The following LPCAT4 variants were observed in gnomAD, a reference collection of about 807,000 sequenced individuals.
LPCAT4 encodes the protein lysophospholipid acyltransferase LPCAT4.
In LPCAT4, 30 loss-of-function variants were observed where a neutral mutation model predicts 66.5. The observed-to-expected ratio is 0.45, with a 90% CI of 0.34 to 0.61. The LOEUF (loss-of-function observed/expected upper bound fraction) is 0.61. LPCAT4 is among the 20% of genes least tolerant of loss of function. LPCAT4 has a pLI of 0.01. For missense variants in LPCAT4, 557 were observed against 656.7 expected (o/e 0.85, Z 1.66); for synonymous variants, 253 against 262.1 (o/e 0.97, Z 0.34).
Position 34,359,568 on chromosome 15 carries a change from G to T in LPCAT4, c.1399+21C>A. The stretch of plus-strand genomic sequence containing the variant: ...ATGGTGCCCCAAGTGCCCGTGTGGG[G>T]CTGAGAAGGCAGTGACTCACAGAGG... On this transcript the variant is annotated intron_variant, in intron 13 of 13. Coordinates refer to ENST00000314891, the MANE Select transcript of LPCAT4 (RefSeq NM_153613.3). 2.5e-6 allele frequency: 4 copies of T among 1,608,044 alleles called. No individual in the cohort carries two copies. In the South Asian group the frequency reaches 4.4e-5, roughly 18 times the overall value.
At chr15:34,359,340 A>G (rs1392528811) in intron 13 of LPCAT4, 38 bp from the exon 14 acceptor site, 5 of 1,458,486 alleles carry the variant, frequency 3.4e-6, no homozygotes, top group Admixed American at 5.4e-5. Flanking sequence ...GAAAAGATCT[A>G]AGAACGAGAA....
chr15:34,359,232 T>G lies in LPCAT4; in HGVS notation c.1470A>C (p.Pro490=), dbSNP rs763521011. Reference sequence around the variant, plus strand: ...TCTGGGAGGTGCCTCGAGAGGTGTGTGGGGGGCGCAGGTAGGTGCTGAAGA... The same window carrying G: ...TCTGGGAGGTGCCTCGAGAGGTGTGGGGGGGGCGCAGGTAGGTGCTGAAGA... ...GKLFSTYLRP[P]HTSRGTSQTP... Residue 490 remains proline (P), a synonymous_variant, in exon 14 of 14, where the codon CCA becomes CCC. Coordinates refer to ENST00000314891, the MANE Select transcript of LPCAT4 (RefSeq NM_153613.3). 1.6e-5 allele frequency: 25 copies of G among 1,579,536 alleles called. No individual in the cohort carries two copies. The Admixed American group carries it at 1.7e-4, about 10-fold the overall frequency.
chr15:34,364,833 T>C (rs1175677817), intron 3 of LPCAT4, 175 bp downstream of exon 3: 2 of 609,272 alleles, frequency 3.3e-6, no homozygotes, highest in Admixed American at 3.0e-5. Context: ...CAACACCTTC[T>C]CTCTGTCCCA....
chr15:34,366,844 C>T (rs1194509459), intron 1 of LPCAT4, 143 bp downstream of exon 1: 3 of 1,307,396 alleles, frequency 2.3e-6, no homozygotes, highest in Non-Finnish European at 3.2e-6. Flanking sequence ...GCCGCCCCCA[C>T]GTGCGCACCC....
At position 34,359,177 on chromosome 15, in the gene LPCAT4, T is replaced by C. The variant is rs140766184; in HGVS notation, c.1525A>G (p.Thr509Ala). Residue 509 changes from threonine to alanine, a missense_variant, in exon 14 of 14, where the codon ACT becomes GCT. Thr to Ala is a moderately conservative substitution (Grantham distance 58). This residue lies in a region of LPCAT4 where 392 missense variants were observed against 473.9 expected (regional missense o/e 0.83). Transcript: ENST00000314891. ...TGCACAGTCCCATTGGCCAGAGCAGTGGGGTTGCCTGGGGATGAGGCATTT... is the reference window on the plus strand; with the variant it reads ...TGCACAGTCCCATTGGCCAGAGCAGCGGGGTTGCCTGGGGATGAGGCATTT... ...TPNASSPGNP[T>A]ALANGTVQAP... 3 of 1,605,556 alleles carry C rather than the reference T, an allele frequency of 1.9e-6. No individual in the cohort carries two copies. In the African/African-American group the frequency reaches 4.0e-5, roughly 22 times the overall value.
In LPCAT4 at chr15:34,365,654, G is replaced by A; in HGVS notation, c.162C>T (p.Ala54=). Residue 54 remains alanine (A), a synonymous_variant, in exon 2 of 14, where the codon GCC becomes GCT. Coordinates refer to ENST00000314891, the MANE Select transcript of LPCAT4 (RefSeq NM_153613.3). ...ALLAPIRVLL[A]FIVLFLLWPF... ...GCCAGAGGAGAAAGAGGACGATAAA[G>A]GCCAGAAGCACTCGGATGGGGGCCA... 1.2e-6 allele frequency: 2 copies of A among 1,614,162 alleles called. No individual in the cohort carries two copies. Among genetic ancestry groups the A allele is most frequent in the Non-Finnish European group, 8.5e-7 (1 of 1,180,032 alleles).
intron 2 of LPCAT4, 121 bp from the exon 3 acceptor site, chr15:34,365,349 G>C: frequency 8.1e-7 from 1 of 1,227,210 alleles, no homozygotes; most frequent in South Asian, 1.5e-5. Flanking sequence ...GTGACCAAGG[G>C]GCCAAGGTCT....
At chr15:34,364,407 A>G (rs1891021210) in intron 3 of LPCAT4, 101 bp from the exon 4 acceptor site, 2 of 636,084 alleles carry the variant, frequency 3.1e-6, no homozygotes, top group African/African-American at 2.3e-5. Flanking sequence ...AGTTTCTGTT[A>G]TCTCTTTTTT....
intron 1 of LPCAT4, chr15:34,365,957 G>A (rs1279765656): frequency 6.8e-6 from 3 of 442,782 alleles, no homozygotes; most frequent in East Asian, 3.7e-5. Context: ...TTATAAAACC[G>A]AAAGCCATAA....
intron 3 of LPCAT4, 106 bp from the exon 4 acceptor site, chr15:34,364,412 T>C: frequency 4.6e-5 from 3 of 65,620 alleles, no homozygotes; most frequent in Non-Finnish European, 2.9e-5. Flanking sequence ...CTGTTATCTC[T>C]TTTTTTTTTT....
rs772107540 is a variant in LPCAT4 at position 34,359,187 on chromosome 15, T to C, written c.1515A>G (p.Pro505=). ...GTSQTPNASS[P]GNPTALANGT... ...CATTGGCCAGAGCAGTGGGGTTGCC[T>C]GGGGATGAGGCATTTGGTGTCTGGG... The change falls in exon 14 of 14, where the codon CCA becomes CCG. Residue 505 remains proline, a synonymous_variant. Transcript: ENST00000314891. 8.1e-6 allele frequency: 13 copies of C among 1,605,678 alleles called. 1 individual carries two copies. The South Asian group carries it at 1.3e-4, about 17-fold the overall frequency.
chr15:34,362,286 A>G lies in LPCAT4; in HGVS notation c.920T>C (p.Val307Ala). 1.2e-6 allele frequency: 2 copies of G among 1,614,044 alleles called. No homozygotes were observed. Among genetic ancestry groups the G allele is most frequent in the Non-Finnish European group, 1.7e-6 (2 of 1,180,002 alleles). ...LGIPATECEF[V>A]GSLPVIVVGR... ...CACCACAATCACAGGTAAGCTCCCT[A>G]CAAACTCACATTCGGTGGCTGGAAT... Residue 307 changes from valine to alanine, a missense_variant, in exon 10 of 14, where the codon GTA (valine) becomes GCA (alanine). Transcript: ENST00000314891.
chr15:34,362,954 G>C (rs1890983202), intron 7 of LPCAT4, 118 bp from the exon 8 acceptor site: 3 of 953,318 alleles, frequency 3.1e-6, no homozygotes, highest in Non-Finnish European at 1.7e-6. Flanking sequence ...TCTGCCCATT[G>C]ATAATAGGGA....
chr15:34,366,100 A>C (rs1430604056), intron 1 of LPCAT4: 3 of 171,628 alleles, frequency 1.7e-5, no homozygotes, highest in East Asian at 3.1e-4. Flanking sequence ...TATGCCCAAC[A>C]GAAACCAGGT....
rs751014548 is a variant in LPCAT4, at chr15:34,365,201, G to A, written c.285C>T (p.Gly95=). The A allele has an allele frequency of 1.9e-6, 3 of 1,611,888 alleles. No homozygotes were observed. The highest frequency in any genetic ancestry group is 1.7e-5 in the Admixed American group (1 of 59,374). The change falls in exon 3 of 14, where the codon GGC becomes GGT. Residue 95 remains glycine, a synonymous_variant. Transcript: ENST00000314891. ...GCAGGAAAAACAGCAGGCGGCTCAGGCCTAGCACCCCGTTGTGGCACACAG... is the reference window on the plus strand; with the variant it reads ...GCAGGAAAAACAGCAGGCGGCTCAGACCTAGCACCCCGTTGTGGCACACAG... ...RKTVCHNGVL[G]LSRLLFFLLG...
intron 11 of LPCAT4, among the ~76,000 whole-genome samples, chr15:34,360,482 T>C (rs17236875): frequency 0.086 from 13,141 of 152,322 alleles, 681 homozygotes; most frequent in Middle Eastern, 0.17. Context: ...CTGAAGCTAC[T>C]ATGAAGTCTC....
At chr15:34,362,502 G>T in intron 9 of LPCAT4, 71 bp downstream of exon 9, 1 of 1,460,738 alleles carries the variant, frequency 6.8e-7, no homozygotes. Context: ...TGAAAACCTC[G>T]CCCCCTCCAC....
At chr15:34,359,474 T>A (rs1412486083) in intron 13 of LPCAT4, 115 bp downstream of exon 13, 1 of 1,396,916 alleles carries the variant, frequency 7.2e-7, no homozygotes, top group African/African-American at 1.4e-5. Flanking sequence ...TTACTTCTCA[T>A]AGGTTCTGAT....
Position 34,366,034 on chromosome 15 carries a change from T to A in LPCAT4, c.115-333A>T, listed in dbSNP as rs530162650. On this transcript the variant is annotated intron_variant, in intron 1 of 13. Coordinates refer to ENST00000314891, the MANE Select transcript of LPCAT4 (RefSeq NM_153613.3). ...AAAGTGCAGGGCGCTGTGCTTGATG[T>A]ACAGTAGGTTAGAGACAGGTCCTCC... 2.6e-5 allele frequency: 6 copies of A among 232,714 alleles called. No homozygotes were observed. The South Asian group carries it at 3.4e-4, about 13-fold the overall frequency. 14.4% of individuals were successfully genotyped at this position (232,714 alleles called of 1,614,324 possible).
Sources: allele counts gnomAD v4.1 joint callset (sites outside exome capture counted in the v4.1 genomes callset), GRCh38; gene constraint gnomAD v4.1.1; regional missense constraint gnomAD v4.1.1; transcripts MANE v1.5; gene names NCBI Gene and HGNC (gene_info 2026-07-23, HGNC 2026-07-21).